PPP1R16B: variants seen among roughly 807,000 people sequenced by gnomAD.
The protein encoded by PPP1R16B is protein phosphatase 1 regulatory subunit 16B.
PPP1R16B carries 14 observed loss-of-function variants against 61.7 expected under a neutral mutation model. That is an observed-to-expected ratio of 0.23 (90% CI 0.15 to 0.35). PPP1R16B has a LOEUF of 0.35. Among genes scored for constraint, PPP1R16B ranks in the 10% least tolerant of loss-of-function variants. The probability of loss-of-function intolerance (pLI) is 1.00; values close to 1 mark genes in which losing one functional copy is unlikely to be tolerated. For missense variants in PPP1R16B, 547 were observed against 752.5 expected, an observed-to-expected ratio of 0.73 and a Z score of 3.19; for synonymous variants, 266 against 305.3, an observed-to-expected ratio of 0.87 and a Z score of 1.34.
intron 2 of PPP1R16B, among the ~76,000 whole-genome samples, chr20:38,876,211 G>A (rs192388927): frequency 1.3e-5 from 2 of 152,212 alleles, no homozygotes; most frequent in Non-Finnish European, 2.9e-5. Context: ...GACCTCAGGT[G>A]ATCTGCCCGC....
In PPP1R16B at chr20:38,918,357, C is replaced by T; in HGVS notation, c.1395C>T (p.Ala465=). 1 of 1,614,116 alleles carries T rather than the reference C, an allele frequency of 6.2e-7. No individual in the cohort carries two copies. Among genetic ancestry groups the T allele is most frequent in the Non-Finnish European group, 8.5e-7 (1 of 1,180,020 alleles). The change falls in exon 11 of 11, where the codon GCC becomes GCT. Residue 465 remains alanine, a synonymous_variant. Transcript: ENST00000299824. The surrounding 1 kb of genome is among the most constrained non-coding windows in gnomAD (Gnocchi z 5.3). ...ATGGCAACCCTGGCGTGGCCGACGC[C>T]ACCCCGCCCTGGAGCAGCTACAAGG... is the stretch of plus-strand genomic sequence containing the variant. ...MAYGNPGVAD[A]TPPWSSYKEQ...
chr20:38,907,751 C>T lies in PPP1R16B; in HGVS notation c.899-55C>T. The T allele has an allele frequency of 6.3e-7, 1 of 1,599,838 alleles. No individual in the cohort carries two copies. The highest frequency in any genetic ancestry group is 8.5e-7 in the Non-Finnish European group (1 of 1,169,630). ...CAGCTCCTCTGGTCTGGAGCACCCT[C>T]TTGCGCCACAGGTCCTGGCCCCGTC... On this transcript the variant is annotated intron_variant, in intron 8 of 10. Coordinates refer to ENST00000299824, the MANE Select transcript of PPP1R16B (RefSeq NM_015568.4). The surrounding 1 kb of genome is among the most constrained non-coding windows in gnomAD (Gnocchi z 4.5).
intron 2 of PPP1R16B, among the ~76,000 whole-genome samples, chr20:38,849,678 AC>A (rs1328656321): frequency 0.066 from 4,461 of 67,566 alleles, 80 homozygotes; most frequent in African/African-American, 0.14. Flanking sequence ...AACAACAACA[AC>A]AACAACAAAA....
chr20:38,918,300 G>A lies in PPP1R16B; in HGVS notation c.1338G>A (p.Lys446=), dbSNP rs200190724. The A allele has an allele frequency of 1.7e-5, 28 of 1,614,242 alleles. No homozygotes were observed. Among genetic ancestry groups the A allele is most frequent in the Non-Finnish European group, 2.4e-5 (28 of 1,180,056 alleles). The part of the protein sequence containing the change: ...QYALANGDVW[K]VHEVPDYSMA... ...CGCTGGCCAACGGGGATGTCTGGAA[G>A]GTGCATGAGGTGCCTGACTACAGCA... is the stretch of plus-strand genomic sequence containing the variant. The change falls in exon 11 of 11, where the codon AAG becomes AAA. Residue 446 remains lysine, a synonymous_variant. Coordinates refer to ENST00000299824, the MANE Select transcript of PPP1R16B (RefSeq NM_015568.4). The surrounding 1 kb of genome is among the most constrained non-coding windows in gnomAD (Gnocchi z 5.3).
chr20:38,855,907 C>CAT (rs371138532), intron 2 of PPP1R16B, among the ~76,000 whole-genome samples: 246 of 17,790 alleles, frequency 0.014, 10 homozygotes, highest in Non-Finnish European at 0.015. Flanking sequence ...CAGTTTCCTA[C>CAT]ATATATATAT....
chr20:38,890,764 C>T (rs1568676401), intron 3 of PPP1R16B, among the ~76,000 whole-genome samples: 1 of 152,216 alleles, frequency 6.6e-6, no homozygotes, highest in African/African-American at 2.4e-5. Flanking sequence ...CCAAAGCCTC[C>T]CTGTGCCCGA....
intron 2 of PPP1R16B, among the ~76,000 whole-genome samples, chr20:38,860,727 T>C (rs1320452126): frequency 6.6e-6 from 1 of 152,180 alleles, no homozygotes; most frequent in Non-Finnish European, 1.5e-5. Flanking sequence ...CAGCAGAGTC[T>C]CTCCCAGCAG....
intron 2 of PPP1R16B, among the ~76,000 whole-genome samples, chr20:38,860,967 C>A (rs1181785423): frequency 6.6e-6 from 1 of 152,196 alleles, no homozygotes; most frequent in Non-Finnish European, 1.5e-5. Flanking sequence ...CTCTTCCTCC[C>A]ACTGGGAGTA....
chr20:38,894,297 C>G (rs890191961), intron 3 of PPP1R16B, among the ~76,000 whole-genome samples: 9 of 152,116 alleles, frequency 5.9e-5, no homozygotes, highest in African/African-American at 2.2e-4. Context: ...CCCACAGCCA[C>G]CTGGGGCCGT....
At chr20:38,913,024 C>T (rs1234574141) in intron 10 of PPP1R16B, among the ~76,000 whole-genome samples, 2 of 152,178 alleles carry the variant, frequency 1.3e-5, no homozygotes, top group Non-Finnish European at 2.9e-5. Context: ...CACCCGCCAC[C>T]ATGCCCAGCT....
At chr20:38,861,263 C>A (rs2085048495) in intron 2 of PPP1R16B, among the ~76,000 whole-genome samples, 1 of 152,330 alleles carries the variant, frequency 6.6e-6, no homozygotes, top group Admixed American at 6.5e-5. Flanking sequence ...TGTTGGCCCC[C>A]ACCTGTCCCA....
chr20:38,865,295 C>CT (rs869304041), intron 2 of PPP1R16B, among the ~76,000 whole-genome samples: 146 of 14,242 alleles, frequency 0.01, no homozygotes, highest in African/African-American at 0.08. Flanking sequence ...CTTTTTTTTT[C>CT]TTTTTTTTTT....
chr20:38,813,190 G>T (rs1468813104), intron 1 of PPP1R16B, among the ~76,000 whole-genome samples: 3 of 152,214 alleles, frequency 2.0e-5, no homozygotes, highest in African/African-American at 7.2e-5. Flanking sequence ...CCAGGCCTGG[G>T]ACCAGACTTG....
At chr20:38,908,256 C>G in intron 10 of PPP1R16B, 63 bp downstream of exon 10, 1 of 1,581,874 alleles carries the variant, frequency 6.3e-7, no homozygotes, top group Non-Finnish European at 8.6e-7. Context: ...CAGGGCCCAG[C>G]CTGGCCTTGC....
chr20:38,859,287 G>A (rs1320783618), intron 2 of PPP1R16B, among the ~76,000 whole-genome samples: 4 of 151,940 alleles, frequency 2.6e-5, no homozygotes, highest in African/African-American at 4.8e-5. Flanking sequence ...CTGCTAGTGC[G>A]GGTTCCTTTT....
At chr20:38,852,768 T>TTTTGTTTTTTTTTTTTTG (rs1601257219) in intron 2 of PPP1R16B, among the ~76,000 whole-genome samples, 1 of 62,336 alleles carries the variant, frequency 1.6e-5, no homozygotes, top group African/African-American at 6.7e-5. Flanking sequence ...TTTTTTTTTT[T>TTTTGTTTTTTTTTTTTTG]GCGGGGGGTG....
chr20:38,835,911 G>C lies in PPP1R16B; in HGVS notation c.-15G>C. 1 of 1,530,200 alleles carries C rather than the reference G, an allele frequency of 6.5e-7. No individual in the cohort carries two copies. The highest frequency in any genetic ancestry group is 8.8e-7 in the Non-Finnish European group (1 of 1,140,728). 94.8% of individuals were successfully genotyped at this position (1,530,200 alleles called of 1,614,324 possible). ...GTGCTAGCCCCCAGCCAGGGCGTTG[G>C]GGAGGGCGGTGGCCATGGCCAGTCA... On this transcript the variant is annotated 5_prime_UTR_variant, in exon 2 of 11. Transcript: ENST00000299824.
rs1206781285 is a variant in PPP1R16B at position 38,920,441 on chromosome 20, GGGCTTGGGACTGGAAGACCATCCCC to G, written c.*1777_*1801del. ...TTGCCCTGAGGGGCACCTGGGCTAG[GGGCTTGGGACTGGAAGACCATCCCC>G]GCCTTGTGCCACAACTTTGGTCATG... On this transcript the variant is annotated 3_prime_UTR_variant, in exon 11 of 11. Transcript: ENST00000299824. 6.6e-6 allele frequency: 1 copy of G among 152,604 alleles called. No individual in the cohort carries two copies. Among genetic ancestry groups the G allele is most frequent in the Admixed American group, 6.5e-5 (1 of 15,282 alleles). The allele number at this position is 152,604 out of a possible 1,614,324, so 9.5% of individuals were successfully genotyped here.
At chr20:38,825,104 T>A (rs989097830) in intron 1 of PPP1R16B, among the ~76,000 whole-genome samples, 2 of 152,216 alleles carry the variant, frequency 1.3e-5, no homozygotes, top group African/African-American at 4.8e-5. Context: ...GAGAGAGTGG[T>A]CTTATAAGGC....
Sources: gnomAD v4.1 joint callset for allele counts (sites outside exome capture counted in the v4.1 genomes callset) on GRCh38, gnomAD v4.1.1 for gene constraint, Gnocchi (gnomAD v3.1) non-coding constraint, MANE v1.5 for transcripts, NCBI Gene and HGNC (gene_info 2026-07-23, HGNC 2026-07-21) for gene names.